ZFP30: variants seen among roughly 807,000 people sequenced by gnomAD.
The protein encoded by ZFP30 is zinc finger protein 30 homolog.
Under a neutral mutation model 12.3 loss-of-function variants are expected in ZFP30, and 16 were observed. The observed-to-expected ratio is 1.30, with a 90% CI of 0.88 to 1.98. The LOEUF (loss-of-function observed/expected upper bound fraction) is 1.98. Ranked by LOEUF, ZFP30 falls within the 30% of genes most tolerant of loss-of-function variation. ZFP30 has a pLI of 0.00. For synonymous variants in ZFP30, 172 were observed against 201.0 expected, an observed-to-expected ratio of 0.86 and a Z score of 1.22; for missense variants, 560 against 611.2, an observed-to-expected ratio of 0.92 and a Z score of 0.88.
At chr19:37,645,972 T>C (rs929484999) in intron 3 of ZFP30, among the ~76,000 whole-genome samples, 8 of 152,192 alleles carry the variant, frequency 5.3e-5, no homozygotes, top group African/African-American at 1.9e-4. Flanking sequence ...GGTTTTGCTT[T>C]CCTCAATTTC....
intron 5 of ZFP30, among the ~76,000 whole-genome samples, chr19:37,641,605 C>T (rs1025978190): frequency 3.9e-5 from 6 of 152,174 alleles, no homozygotes; most frequent in Admixed American, 6.5e-5. Flanking sequence ...GATATTACAT[C>T]GTTTCATGTG....
At chr19:37,639,029 C>T (rs933399154) in intron 5 of ZFP30, among the ~76,000 whole-genome samples, 5 of 151,966 alleles carry the variant, frequency 3.3e-5, no homozygotes, top group African/African-American at 1.2e-4. Flanking sequence ...AATTTAAATG[C>T]TGTGGATAAA....
At chr19:37,638,790 A>G (rs962248261) in intron 5 of ZFP30, among the ~76,000 whole-genome samples, 6 of 152,144 alleles carry the variant, frequency 3.9e-5, no homozygotes, top group Non-Finnish European at 8.8e-5. Flanking sequence ...TTAATAATCT[A>G]TGGTGGTGTC....
chr19:37,637,817 C>T (rs533815133), intron 5 of ZFP30, among the ~76,000 whole-genome samples: 1 of 152,252 alleles, frequency 6.6e-6, no homozygotes, highest in Non-Finnish European at 1.5e-5. Context: ...CTTTTCTCAA[C>T]TGGGTTGTTA....
intron 4 of ZFP30, among the ~76,000 whole-genome samples, chr19:37,643,759 G>T (rs190012987): frequency 6.0e-4 from 92 of 152,198 alleles, no homozygotes; most frequent in African/African-American, 2.2e-3. Flanking sequence ...TGTTCATGAG[G>T]TACTACATTT....
chr19:37,638,951 ATATATT>A (rs1386360174), intron 5 of ZFP30, among the ~76,000 whole-genome samples: 1 of 152,172 alleles, frequency 6.6e-6, no homozygotes, highest in Non-Finnish European at 1.5e-5. Flanking sequence ...ATATTTTTGT[ATATATT>A]TATATTTCAA....
chr19:37,643,233 T>C, intron 5 of ZFP30, 32 bp downstream of exon 5: 2 of 1,581,722 alleles, frequency 1.3e-6, no homozygotes, highest in Non-Finnish European at 1.7e-6. Context: ...GGCCATGCCA[T>C]AATGGCTGAC....
At chr19:37,648,434 C>A (rs548750072) in intron 2 of ZFP30, among the ~76,000 whole-genome samples, 2 of 152,288 alleles carry the variant, frequency 1.3e-5, no homozygotes, top group African/African-American at 4.8e-5. Flanking sequence ...TGGCTCCCAC[C>A]CTTAAACACA....
chr19:37,647,932 G>A, intron 2 of ZFP30, 33 bp from the exon 3 acceptor site: 5 of 1,337,570 alleles, frequency 3.7e-6, no homozygotes, highest in Non-Finnish European at 4.2e-6. Flanking sequence ...CATGAGAAGA[G>A]AACTGCCTCA....
intron 5 of ZFP30, among the ~76,000 whole-genome samples, chr19:37,642,158 T>A (rs113425547): frequency 1.3e-5 from 2 of 152,248 alleles, no homozygotes; most frequent in Non-Finnish European, 2.9e-5. Flanking sequence ...TATTCTATCA[T>A]TTCTTCTTCA....
intron 3 of ZFP30, among the ~76,000 whole-genome samples, chr19:37,645,093 T>C (rs2044515146): frequency 6.6e-6 from 1 of 151,940 alleles, no homozygotes; most frequent in Admixed American, 6.6e-5. Flanking sequence ...TAGTCCCAGC[T>C]ACTCGGGAGG....
rs1026195550 is a variant in ZFP30 at position 37,633,950 on chromosome 19, A to T, written c.*1031T>A. 6.6e-6 allele frequency: 1 copy of T among 152,192 alleles called. No homozygotes were observed. Among genetic ancestry groups the T allele is most frequent in the Non-Finnish European group, 1.5e-5 (1 of 68,044 alleles). The allele number at this position is 152,192 out of a possible 1,614,324, so 9.4% of individuals were successfully genotyped here. ...TAACCACAATGCTATTATCACACAT[A>T]ACAAAGTTTCTTAATATTATCTAAT... On this transcript the variant is annotated 3_prime_UTR_variant, in exon 6 of 6. Transcript: ENST00000684514.
intron 5 of ZFP30, among the ~76,000 whole-genome samples, chr19:37,636,673 T>C (rs572466848): frequency 5.9e-5 from 9 of 152,098 alleles, no homozygotes; most frequent in Admixed American, 2.6e-4. Flanking sequence ...CTATGACACT[T>C]GCCTGCCTCC....
chr19:37,640,635 C>T (rs923813093), intron 5 of ZFP30, among the ~76,000 whole-genome samples: 1 of 151,334 alleles, frequency 6.6e-6, no homozygotes, highest in Non-Finnish European at 1.5e-5. Context: ...ACCTGTAATA[C>T]AAGCACTCTG....
Position 37,650,159 on chromosome 19 carries a change from G to A in ZFP30, c.-77-2260C>T, listed in dbSNP as rs546992215. 1.2e-3 allele frequency among the ~76,000 whole-genome samples: 180 copies of A among 149,584 alleles called. 1 individual carries two copies. Among genetic ancestry groups the A allele is most frequent in the African/African-American group, 4.1e-3 (166 of 40,498 alleles). On this transcript the variant is annotated intron_variant, in intron 2 of 5. Transcript: ENST00000684514. ...TTTTTAGGCAGGCTTTTGCTCTGTC[G>A]CTCAGGCTAAAGTGCAATCTCGGAT...
At position 37,653,522 on chromosome 19, in the gene ZFP30, TACA is replaced by T. The variant is rs577495492; in HGVS notation, c.-78+1187_-78+1189del. Among the ~76,000 whole-genome samples the T allele has an allele frequency of 1.4e-3, 210 of 152,360 alleles. 1 individual carries two copies. The highest frequency in any genetic ancestry group is 2.2e-3 in the Non-Finnish European group (151 of 68,036). ...TAACAATTTCTTGATGATTCTTATT[TACA>T]ACAATACTTCTCAATATTACATTAT... is the stretch of plus-strand genomic sequence containing the variant. On this transcript the variant is annotated intron_variant, in intron 2 of 5. Transcript: ENST00000684514.
chr19:37,635,646 C>T lies in ZFP30; in HGVS notation c.895G>A (p.Glu299Lys). ...AAGGCCTGACCACATTCCTTACACTCATAGCACTTCTCAGCAATGTTCAGT... is the reference window on the plus strand; with the variant it reads ...AAGGCCTGACCACATTCCTTACACTTATAGCACTTCTCAGCAATGTTCAGT... The part of the protein sequence containing the change: ...QRLNIAEKCY[E>K]CKECGQAFLC... Residue 299 changes from glutamate (E) to lysine (K), a missense_variant, in exon 6 of 6, where the codon GAG becomes AAG. Glu to Lys is a moderately conservative substitution (Grantham distance 56). Coordinates refer to ENST00000684514, the MANE Select transcript of ZFP30 (RefSeq NM_001320669.3). The T allele has an allele frequency of 6.2e-7, 1 of 1,614,104 alleles. No homozygotes were observed. The highest frequency in any genetic ancestry group is 8.5e-7 in the Non-Finnish European group (1 of 1,180,034).
chr19:37,647,192 C>G, intron 3 of ZFP30, among the ~76,000 whole-genome samples: 1 of 151,980 alleles, frequency 6.6e-6, no homozygotes, highest in Non-Finnish European at 1.5e-5. Context: ...TCATTTCTGC[C>G]CCATCTCTGC....
chr19:37,650,575 A>T (rs1220890935), intron 2 of ZFP30, among the ~76,000 whole-genome samples: 4 of 152,200 alleles, frequency 2.6e-5, no homozygotes, highest in Admixed American at 6.5e-5. Context: ...TTTGGTATTT[A>T]AAAAACATGC....
Sources: gnomAD v4.1 joint callset for allele counts (sites outside exome capture counted in the v4.1 genomes callset) on GRCh38, gnomAD v4.1.1 for gene constraint, MANE v1.5 for transcripts, NCBI Gene and HGNC (gene_info 2026-07-23, HGNC 2026-07-21) for gene names.